CDHR2: variants seen among roughly 807,000 people sequenced by gnomAD.
The protein encoded by CDHR2 is cadherin related family member 2, also known as cadherin-related family member 2.
A neutral mutation model predicts 138.6 loss-of-function variants in CDHR2; 104 were observed. That is an observed-to-expected ratio of 0.75 (90% CI 0.64 to 0.88). The LOEUF (loss-of-function observed/expected upper bound fraction) is 0.88. Ranked by LOEUF, CDHR2 falls within the 40% of genes least tolerant of loss-of-function variation. CDHR2 has a pLI of 0.00. For synonymous variants in CDHR2, 755 were observed against 742.8 expected (o/e 1.02, Z -0.27); for missense variants, 1,624 against 1,727.6 (o/e 0.94, Z 1.06).
chr5:176,564,797 G>A (rs1257971908), intron 1 of CDHR2, among the ~76,000 whole-genome samples: 1 of 152,024 alleles, frequency 6.6e-6, no homozygotes, highest in Non-Finnish European at 1.5e-5. Context: ...GTATCAGCAG[G>A]TGAACGAAGG....
At chr5:176,581,229 G>A (rs1015626512) in intron 16 of CDHR2, 114 bp from the exon 17 acceptor site, 2 of 1,398,706 alleles carry the variant, frequency 1.4e-6, no homozygotes, top group Admixed American at 4.1e-5. Context: ...AGGGGCTCCA[G>A]GCCTGATGAC....
At chr5:176,550,391 G>A (rs998922409) in intron 1 of CDHR2, among the ~76,000 whole-genome samples, 8 of 152,192 alleles carry the variant, frequency 5.3e-5, no homozygotes, top group African/African-American at 1.2e-4. Context: ...GGGGAGCTGC[G>A]TGCTCAGGTC....
intron 1 of CDHR2, among the ~76,000 whole-genome samples, chr5:176,554,248 T>C (rs1272992666): frequency 6.6e-6 from 1 of 152,140 alleles, no homozygotes; most frequent in Non-Finnish European, 1.5e-5. Flanking sequence ...GCCCTGCCCA[T>C]TTAGCTCTGA....
chr5:176,549,114 C>G (rs1481845399), upstream of CDHR2, among the ~76,000 whole-genome samples: 4 of 152,200 alleles, frequency 2.6e-5, no homozygotes, highest in Admixed American at 2.6e-4. Flanking sequence ...CCCAGGTCCT[C>G]TGGGCTCAGG....
chr5:176,572,060 G>A (rs1758247670), intron 6 of CDHR2, among the ~76,000 whole-genome samples: 1 of 151,970 alleles, frequency 6.6e-6, no homozygotes, highest in Non-Finnish European at 1.5e-5. Context: ...CATCCTGGGG[G>A]AAGAGAGGCA....
chr5:176,565,370 G>A lies in CDHR2; in HGVS notation c.18G>A (p.Leu6=), dbSNP rs953272219. ...CGGATGTGATGGCCCAGCTATGGCTGTCCTGCTTCCTCCTTCCTGCCCTCG... is the reference window on the plus strand; with the variant it reads ...CGGATGTGATGGCCCAGCTATGGCTATCCTGCTTCCTCCTTCCTGCCCTCG... MAQLW[L]SCFLLPALVV... is the part of the protein sequence containing the mutation. The change falls in exon 2 of 32, where the codon CTG becomes CTA. Residue 6 remains leucine (L), a synonymous_variant. Coordinates refer to ENST00000261944, the MANE Select transcript of CDHR2 (RefSeq NM_017675.6). 6.2e-7 allele frequency: 1 copy of A among 1,614,026 alleles called. No homozygotes were observed. Among genetic ancestry groups the A allele is most frequent in the Non-Finnish European group, 8.5e-7 (1 of 1,180,004 alleles).
In CDHR2 at chr5:176,543,501, T is replaced by A. The variant is rs1581123349; in HGVS notation, c.-16+732T>A. 5 of 152,020 alleles carry A rather than the reference T, an allele frequency of 3.3e-5. No homozygotes were observed. The highest frequency in any genetic ancestry group is 3.3e-4 in the Admixed American group (5 of 15,288). The allele number at this position is 152,020 out of a possible 1,614,324, so 9.4% of individuals were successfully genotyped here. A position where few individuals can be genotyped will look rare whatever the true frequency, so the allele number is the denominator to read the frequency against. ...GGAGCTGCCTGGACCGCACCACGCG[T>A]GCGGGGCGGAGCCTCTTTCGGCCGC... On this transcript the variant is annotated intron_variant, in intron 1 of 31. Coordinates refer to the CDHR2 transcript ENST00000510636. This position sits in a 1 kb window ranked among gnomAD's most constrained non-coding sequence, Gnocchi z 4.0.
chr5:176,574,037 G>T (rs1758296386), intron 6 of CDHR2, 46 bp from the exon 7 acceptor site: 1 of 1,423,130 alleles, frequency 7.0e-7, no homozygotes, highest in South Asian at 1.2e-5. Flanking sequence ...ACAAGGGAGA[G>T]GAGGAGCTGG....
chr5:176,590,229 CTCT>C, intron 25 of CDHR2, 21 bp from the exon 26 acceptor site: 1 of 1,613,984 alleles, frequency 6.2e-7, no homozygotes. Flanking sequence ...AGGCTCCTGA[CTCT>C]TCAACTCTGT....
Position 176,592,818 on chromosome 5 carries a change from C to A in CDHR2, c.3792+38C>A, listed in dbSNP as rs1267923769. 4 of 1,585,974 alleles carry A rather than the reference C, an allele frequency of 2.5e-6. No individual in the cohort carries two copies. In the African/African-American group the frequency reaches 4.0e-5, roughly 16 times the overall value. ...ATGAATTGGTGCCTGGAGGTTCCAACTTGGGTTCTTCTGTGGAGGCTTCAG... is the reference window on the plus strand; with the variant it reads ...ATGAATTGGTGCCTGGAGGTTCCAAATTGGGTTCTTCTGTGGAGGCTTCAG... On this transcript the variant is annotated intron_variant, in intron 31 of 31. Coordinates refer to ENST00000261944, the MANE Select transcript of CDHR2 (RefSeq NM_017675.6).
rs1274217705 is a variant in CDHR2, at chr5:176,575,317, A to G, written c.659A>G (p.Gln220Arg). 6.2e-7 allele frequency: 1 copy of G among 1,614,186 alleles called. No individual in the cohort carries two copies. Among genetic ancestry groups the G allele is most frequent in the Non-Finnish European group, 8.5e-7 (1 of 1,180,024 alleles). ...GGMYHNTFTIQCSLPVFLSIS... is the reference protein window; with the variant it reads ...GGMYHNTFTIRCSLPVFLSIS... Reference sequence around the variant, plus strand: ...ATGTACCACAACACCTTCACCATCCAGTGCTCCCTGCCTGTCTTCCTGTCC... The same window carrying G: ...ATGTACCACAACACCTTCACCATCCGGTGCTCCCTGCCTGTCTTCCTGTCC... The change falls in exon 9 of 32, where the codon CAG becomes CGG. Residue 220 changes from glutamine to arginine, a missense_variant. Around this residue, in one of 3 missense-constraint regions of CDHR2, gnomAD observed 1,061 missense variants for 1,136.6 expected, o/e 0.93. Transcript: ENST00000261944.
chr5:176,578,560 C>A lies in CDHR2; in HGVS notation c.1770C>A (p.Tyr590Ter), dbSNP rs1758457705. The change falls in exon 16 of 32, where the codon TAC (tyrosine) becomes TAA (stop). Residue 590 changes from tyrosine (Y) to a stop codon, truncating the protein, a stop_gained. Coordinates refer to ENST00000261944, the MANE Select transcript of CDHR2 (RefSeq NM_017675.6). LOFTEE classifies it high-confidence loss of function. ...ATGCACCCGTGGTTAGCGGCTCCTA[C>A]AACATCTTCGTCCAGGAGGAGGAGG... ...NDNAPVVSGS[Y>*]NIFVQEEEGN... 6.2e-7 allele frequency: 1 copy of A among 1,612,100 alleles called. No individual in the cohort carries two copies. The highest frequency in any genetic ancestry group is 8.5e-7 in the Non-Finnish European group (1 of 1,179,976).
At chr5:176,573,784 T>C (rs1278543428) in intron 6 of CDHR2, among the ~76,000 whole-genome samples, 1 of 151,976 alleles carries the variant, frequency 6.6e-6, no homozygotes, top group Non-Finnish European at 1.5e-5. Context: ...GATGTCTGAG[T>C]GCGCAGTGGC....
chr5:176,589,201 G>A lies in CDHR2; in HGVS notation c.3008+19G>A, dbSNP rs200891711. The A allele has an allele frequency of 3.0e-4, 480 of 1,613,674 alleles. 1 individual carries two copies. The highest frequency in any genetic ancestry group is 3.3e-4 in the Non-Finnish European group (393 of 1,179,710). On this transcript the variant is annotated intron_variant, in intron 22 of 31. Coordinates refer to ENST00000261944, the MANE Select transcript of CDHR2 (RefSeq NM_017675.6). ...GCATTCAGTAACTGCGGGCGGCCCCGGGAGGGAGGTTGCGGGGAGGGGCCC... is the reference window on the plus strand; with the variant it reads ...GCATTCAGTAACTGCGGGCGGCCCCAGGAGGGAGGTTGCGGGGAGGGGCCC...
At chr5:176,563,303 G>T (rs1225509787) in intron 1 of CDHR2, among the ~76,000 whole-genome samples, 2 of 152,060 alleles carry the variant, frequency 1.3e-5, no homozygotes, top group Admixed American at 6.5e-5. Flanking sequence ...AGCCGAGATG[G>T]CACCACTGCA....
intron 16 of CDHR2, among the ~76,000 whole-genome samples, chr5:176,580,176 A>ACG (rs1419883234): frequency 1.6e-5 from 2 of 125,972 alleles, no homozygotes; most frequent in African/African-American, 6.0e-5. Context: ...GCACTCACAC[A>ACG]CACTCACACA....
chr5:176,549,624 C>T (rs1189876254), intron 1 of CDHR2, among the ~76,000 whole-genome samples: 1 of 152,170 alleles, frequency 6.6e-6, no homozygotes, highest in Admixed American at 6.5e-5. Context: ...ATAATACCTC[C>T]TTCCCTGGGG....
chr5:176,564,468 G>A (rs1421305268), intron 1 of CDHR2, among the ~76,000 whole-genome samples: 8 of 152,300 alleles, frequency 5.3e-5, no homozygotes, highest in East Asian at 3.9e-4. Flanking sequence ...GATTACAGGC[G>A]TGAGCCACCA....
chr5:176,591,825 G>T, intron 30 of CDHR2: 2 of 310,488 alleles, frequency 6.4e-6, no homozygotes, highest in East Asian at 8.2e-5. Flanking sequence ...GGTTGTGATG[G>T]TGATGGTGGT....
Sources: allele counts gnomAD v4.1 joint callset (sites outside exome capture counted in the v4.1 genomes callset), GRCh38; gene constraint gnomAD v4.1.1; regional missense constraint gnomAD v4.1.1; non-coding constraint Gnocchi (gnomAD v3.1); transcripts MANE v1.5; gene names NCBI Gene and HGNC (gene_info 2026-07-23, HGNC 2026-07-21).